TET3: variants seen among roughly 807,000 people sequenced by gnomAD.
The protein encoded by TET3 is methylcytosine dioxygenase TET3.
A neutral mutation model predicts 141.4 loss-of-function variants in TET3; 19 were observed. That is an observed-to-expected ratio of 0.13 (90% CI 0.09 to 0.20). The LOEUF is 0.20. Ranked by LOEUF, TET3 falls within the 10% of genes least tolerant of loss-of-function variation. The pLI is 1.00. For missense variants in TET3, 1,874 were observed against 2,356.9 expected, an observed-to-expected ratio of 0.80 and a Z score of 4.24; for synonymous variants, 1,043 against 980.9, an observed-to-expected ratio of 1.06 and a Z score of -1.18.
At chr2:74,041,156 T>G (rs1259503725) in intron 3 of TET3, among the ~76,000 whole-genome samples, 1 of 152,210 alleles carries the variant, frequency 6.6e-6, no homozygotes, top group Non-Finnish European at 1.5e-5. Flanking sequence ...CAGTGCATTT[T>G]CTAGTATCTC....
At position 74,107,363 on chromosome 2, in the gene TET3, A is replaced by T. The variant is rs1691556233; in HGVS notation, c.*5187A>T. On this transcript the variant is annotated 3_prime_UTR_variant, in exon 12 of 12. Coordinates refer to ENST00000409262, the MANE Select transcript of TET3 (RefSeq NM_001287491.2). ...TTGGCCTACTTCCTCATTGGCTTCT[A>T]TTCTGATATCAGGGATGCTTTTTGT... 1 of 152,202 alleles carries T rather than the reference A, an allele frequency of 6.6e-6. No homozygotes were observed. Among genetic ancestry groups the T allele is most frequent in the African/African-American group, 2.4e-5 (1 of 41,440 alleles). 9.4% of individuals were successfully genotyped at this position (152,202 alleles called of 1,614,324 possible).
intron 3 of TET3, among the ~76,000 whole-genome samples, chr2:74,039,676 G>A (rs1170461213): frequency 6.6e-6 from 1 of 152,186 alleles, no homozygotes; most frequent in Non-Finnish European, 1.5e-5. Flanking sequence ...AGCTAGGAAG[G>A]CATAAAAGCT....
intron 3 of TET3, among the ~76,000 whole-genome samples, chr2:74,014,370 C>A (rs1216064461): frequency 6.6e-6 from 1 of 151,996 alleles, no homozygotes; most frequent in Non-Finnish European, 1.5e-5. Flanking sequence ...CATGAGAATT[C>A]CGAGCCCCGA....
intron 6 of TET3, among the ~76,000 whole-genome samples, chr2:74,084,071 T>G (rs1689978820): frequency 6.6e-6 from 1 of 152,232 alleles, no homozygotes. Flanking sequence ...GTGTTACTGA[T>G]AGCCAAAATA....
intron 4 of TET3, 39 bp downstream of exon 4, chr2:74,048,450 G>T (rs1194537693): frequency 2.6e-6 from 4 of 1,548,174 alleles, no homozygotes; most frequent in African/African-American, 1.4e-5. Context: ...CAGAGAAAGG[G>T]CTGTGGCCTG....
the TET3 span, among the ~76,000 whole-genome samples, chr2:74,126,500 A>ATTTTTTTTTTT: frequency 8.3e-6 from 1 of 120,984 alleles, no homozygotes; most frequent in Admixed American, 9.2e-5. Flanking sequence ...TATTTGCTGG[A>ATTTTTTTTTTT]TTTTTTTTTT....
At chr2:74,000,494 A>G (rs1459135567) in intron 2 of TET3, among the ~76,000 whole-genome samples, 1 of 152,104 alleles carries the variant, frequency 6.6e-6, no homozygotes, top group African/African-American at 2.4e-5. Context: ...GGGGGAGGCA[A>G]TGTTTAAACT....
Position 73,991,088 on chromosome 2 carries a change from C to T in TET3, c.303+4382C>T, listed in dbSNP as rs1012839482. On this transcript the variant is annotated intron_variant, in intron 2 of 11. Transcript: ENST00000409262. ...CCTCCCAAAGTGCTGGGATTACAGG[C>T]GTGAGTCACCGTGCCCGGCCCTTGG... 6.6e-5 allele frequency among the ~76,000 whole-genome samples: 10 copies of T among 151,492 alleles called. 1 individual carries two copies. The South Asian group carries it at 1.5e-3, about 22-fold the overall frequency.
upstream of TET3, among the ~76,000 whole-genome samples, chr2:73,984,263 G>A (rs976329267): frequency 6.6e-6 from 1 of 152,254 alleles, no homozygotes; most frequent in African/African-American, 2.4e-5. This position sits in a 1 kb window ranked among gnomAD's most constrained non-coding sequence, Gnocchi z 5.6. Context: ...AGCGCGGCGC[G>A]GGGGAGGCTG....
intron 3 of TET3, among the ~76,000 whole-genome samples, chr2:74,026,347 ACAC>A (rs1686356258): frequency 6.6e-6 from 1 of 152,062 alleles, no homozygotes; most frequent in Non-Finnish European, 1.5e-5. Flanking sequence ...GTGGGTTTTA[ACAC>A]CCCTGTCACC....
intron 3 of TET3, among the ~76,000 whole-genome samples, chr2:74,033,488 T>C (rs1320429235): frequency 6.6e-6 from 1 of 152,238 alleles, no homozygotes; most frequent in Non-Finnish European, 1.5e-5. Context: ...TTTAGTTTTA[T>C]GTTCTTATTC....
intron 5 of TET3, 111 bp from the exon 6 acceptor site, chr2:74,080,387 C>T (rs1689742343): frequency 3.3e-6 from 3 of 911,946 alleles, no homozygotes; most frequent in Admixed American, 2.1e-5. Flanking sequence ...CTGTTGCCCC[C>T]GACGGTAACC....
Position 73,985,136 on chromosome 2 carries a change from C to T in TET3, c.-446C>T, listed in dbSNP as rs1683935505. 6.8e-6 allele frequency: 1 copy of T among 146,160 alleles called. No homozygotes were observed. The highest frequency in any genetic ancestry group is 1.5e-5 in the Non-Finnish European group (1 of 65,500). The allele number at this position is 146,160 out of a possible 1,614,324, so 9.1% of individuals were successfully genotyped here. ...GGGAAACTTTGCCCCTTTGTGCGCT[C>T]CGCCCCGGAGGCGGCGGGCAGGTCG... On this transcript the variant is annotated 5_prime_UTR_variant, in exon 1 of 12. Coordinates refer to ENST00000409262, the MANE Select transcript of TET3 (RefSeq NM_001287491.2).
chr2:74,112,870 G>C (rs970364505), downstream of TET3, among the ~76,000 whole-genome samples: 3 of 151,734 alleles, frequency 2.0e-5, no homozygotes, highest in Non-Finnish European at 4.4e-5. Flanking sequence ...GCAAGGTGGT[G>C]CGTTCCTGTA....
At chr2:74,132,425 G>A in the TET3 span, among the ~76,000 whole-genome samples, 1 of 152,320 alleles carries the variant, frequency 6.6e-6, no homozygotes, top group African/African-American at 2.4e-5. Context: ...CTCACTGTGT[G>A]CCATCCAGGC....
At chr2:74,034,318 T>C (rs1028053902) in intron 3 of TET3, among the ~76,000 whole-genome samples, 2 of 151,716 alleles carry the variant, frequency 1.3e-5, no homozygotes, top group African/African-American at 2.4e-5. Flanking sequence ...AGATAAAGCA[T>C]AATAATAAAC....
At chr2:74,030,352 A>G (rs184543254) in intron 3 of TET3, among the ~76,000 whole-genome samples, 1 of 152,114 alleles carries the variant, frequency 6.6e-6, no homozygotes. Flanking sequence ...TTCCTATTTC[A>G]TCTAGCTTTT....
chr2:74,100,367 T>G (rs1296762362), intron 11 of TET3, 26 bp from the exon 12 acceptor site: 1 of 1,549,796 alleles, frequency 6.5e-7, no homozygotes, highest in African/African-American at 1.4e-5. Flanking sequence ...TCTGCCCCTC[T>G]GCCATCTTGC....
At position 74,047,185 on chromosome 2, in the gene TET3, C is replaced by T; in HGVS notation, c.1268C>T (p.Ala423Val). The change falls in exon 4 of 12, where the codon GCC becomes GTC. Residue 423 changes from alanine to valine, a missense_variant. Physicochemically the swap from Ala to Val is moderately conservative, Grantham distance 64 (BLOSUM62 0). Transcript: ENST00000409262. ...TCATCTTTTGCTCCTGATAGCTCTG[C>T]CTTCCCTCCAGCAACTCCTAGAACT... ...EHSSFAPDSS[A>V]FPPATPRTEF... The T allele has an allele frequency of 6.2e-7, 1 of 1,614,002 alleles. No homozygotes were observed. The highest frequency in any genetic ancestry group is 8.5e-7 in the Non-Finnish European group (1 of 1,179,896).
Sources: gnomAD v4.1 joint callset for allele counts (sites outside exome capture counted in the v4.1 genomes callset) on GRCh38, gnomAD v4.1.1 for gene constraint, Gnocchi (gnomAD v3.1) non-coding constraint, MANE v1.5 for transcripts, NCBI Gene and HGNC (gene_info 2026-07-23, HGNC 2026-07-21) for gene names.